CCDC178: variants seen among roughly 807,000 people sequenced by gnomAD.
CCDC178 encodes the protein coiled-coil domain containing 178.
Under a neutral mutation model 117.4 loss-of-function variants are expected in CCDC178, and 126 were observed. The ratio of observed to expected loss-of-function variants is 1.07; its 90% CI spans 0.93 to 1.24. The LOEUF (loss-of-function observed/expected upper bound fraction) is 1.24. Ranked by LOEUF, CCDC178 falls within the 50% of genes most tolerant of loss-of-function variation. CCDC178 has a pLI of 0.00. For missense variants in CCDC178, 1,030 were observed against 986.9 expected, an observed-to-expected ratio of 1.04 and a Z score of -0.59; for synonymous variants, 283 against 313.4, an observed-to-expected ratio of 0.90 and a Z score of 1.02.
chr18:33,200,370 A>G (rs1031338730), intron 20 of CCDC178, among the ~76,000 whole-genome samples: 1 of 152,212 alleles, frequency 6.6e-6, no homozygotes, highest in Non-Finnish European at 1.5e-5. Context: ...CACTAATGCG[A>G]AACAGCAGTC....
chr18:33,105,644 C>T (rs755375875), intron 20 of CCDC178, among the ~76,000 whole-genome samples: 12 of 151,552 alleles, frequency 7.9e-5, no homozygotes, highest in Non-Finnish European at 1.3e-4. Context: ...ATTTTTACAA[C>T]ATAAAAACAC....
intron 12 of CCDC178, among the ~76,000 whole-genome samples, chr18:33,277,468 A>G (rs2059965132): frequency 6.6e-6 from 1 of 152,200 alleles, no homozygotes; most frequent in Non-Finnish European, 1.5e-5. Context: ...TTGACTTAAA[A>G]TAATGCCTAT....
At chr18:33,055,907 G>T (rs1246222659) in intron 21 of CCDC178, among the ~76,000 whole-genome samples, 1 of 151,748 alleles carries the variant, frequency 6.6e-6, no homozygotes, top group East Asian at 1.9e-4. Flanking sequence ...GGGTTCAAGT[G>T]ATTCTCGTGC....
At chr18:33,324,051 C>T (rs1283620169) in intron 10 of CCDC178, among the ~76,000 whole-genome samples, 1 of 151,796 alleles carries the variant, frequency 6.6e-6, no homozygotes, top group African/African-American at 2.4e-5. Flanking sequence ...AAAGTATGCA[C>T]CAACCTAATA....
intron 3 of CCDC178, among the ~76,000 whole-genome samples, chr18:33,403,951 T>C (rs13381685): frequency 1.3e-5 from 2 of 152,168 alleles, no homozygotes; most frequent in African/African-American, 4.8e-5. Flanking sequence ...AGTAGTTATT[T>C]TGAATTATTG....
chr18:32,967,731 T>C (rs986904470), intron 22 of CCDC178, among the ~76,000 whole-genome samples: 4 of 151,760 alleles, frequency 2.6e-5, no homozygotes, highest in African/African-American at 9.7e-5. Flanking sequence ...TACTTTTTTT[T>C]CTCTAGTATT....
intron 20 of CCDC178, among the ~76,000 whole-genome samples, chr18:33,120,632 A>G (rs1213553493): frequency 1.3e-5 from 2 of 152,176 alleles, no homozygotes; most frequent in Non-Finnish European, 2.9e-5. Context: ...TATGAAATGG[A>G]TGGTGAAAAG....
At chr18:32,970,909 C>T (rs1401118230) in intron 22 of CCDC178, among the ~76,000 whole-genome samples, 2 of 152,004 alleles carry the variant, frequency 1.3e-5, no homozygotes, top group Non-Finnish European at 2.9e-5. Flanking sequence ...TTTAATTCAT[C>T]TTGCACAGAA....
chr18:33,115,589 T>G (rs1001920383), intron 20 of CCDC178, among the ~76,000 whole-genome samples: 1 of 152,076 alleles, frequency 6.6e-6, no homozygotes, highest in East Asian at 1.9e-4. Context: ...AAGATTGTAT[T>G]TTTCTTCATA....
intron 21 of CCDC178, among the ~76,000 whole-genome samples, chr18:32,987,668 A>C (rs1248322630): frequency 6.6e-6 from 1 of 152,236 alleles, no homozygotes; most frequent in Non-Finnish European, 1.5e-5. Context: ...ATCATAAAGC[A>C]AGCCTTTTAT....
intron 21 of CCDC178, among the ~76,000 whole-genome samples, chr18:33,043,693 C>A (rs2056590618): frequency 6.6e-6 from 1 of 151,962 alleles, no homozygotes. Context: ...TCTCATTTTA[C>A]TTCCAGAAAA....
At chr18:33,376,501 G>A (rs1467166064) in intron 5 of CCDC178, among the ~76,000 whole-genome samples, 1 of 152,114 alleles carries the variant, frequency 6.6e-6, no homozygotes, top group Admixed American at 6.6e-5. Context: ...TTGTTACACA[G>A]GTATATGGTG....
intron 14 of CCDC178, among the ~76,000 whole-genome samples, chr18:33,251,282 T>C (rs1014324922): frequency 1.9e-4 from 29 of 151,766 alleles, no homozygotes; most frequent in African/African-American, 7.0e-4. Context: ...TGTGTACCAG[T>C]AAGCTGGTAA....
chr18:33,106,666 CATGGCA>C (rs1412821472), intron 20 of CCDC178, among the ~76,000 whole-genome samples: 1 of 151,662 alleles, frequency 6.6e-6, no homozygotes, highest in African/African-American at 2.4e-5. Flanking sequence ...TGCTATGCTA[CATGGCA>C]AAGGGACTTT....
chr18:33,040,926 G>T (rs1449384726), intron 21 of CCDC178, among the ~76,000 whole-genome samples: 1 of 151,754 alleles, frequency 6.6e-6, no homozygotes, highest in African/African-American at 2.4e-5. Context: ...TAGGTCTAAG[G>T]CTAAAATGAG....
chr18:33,125,889 C>T (rs1224811297), intron 20 of CCDC178, among the ~76,000 whole-genome samples: 2 of 152,088 alleles, frequency 1.3e-5, no homozygotes, highest in African/African-American at 4.8e-5. Context: ...TGGGTAGTGG[C>T]CTGAGATCTG....
chr18:33,367,696 T>C (rs2063231826), intron 6 of CCDC178, among the ~76,000 whole-genome samples: 1 of 152,010 alleles, frequency 6.6e-6, no homozygotes, highest in Non-Finnish European at 1.5e-5. Flanking sequence ...GAACTAAATA[T>C]CTAATGGAGA....
At chr18:33,043,072 C>A (rs568426690) in intron 21 of CCDC178, among the ~76,000 whole-genome samples, 1 of 151,962 alleles carries the variant, frequency 6.6e-6, no homozygotes, top group South Asian at 2.1e-4. Flanking sequence ...CATAAAAATT[C>A]ATTTGAAGAA....
intron 20 of CCDC178, among the ~76,000 whole-genome samples, chr18:33,189,896 C>A (rs2058837888): frequency 6.6e-6 from 1 of 152,032 alleles, no homozygotes; most frequent in Non-Finnish European, 1.5e-5. Flanking sequence ...GAAGTGGTAG[C>A]CCTAATCTTG....
Sources: allele counts gnomAD v4.1 joint callset (sites outside exome capture counted in the v4.1 genomes callset), GRCh38; gene constraint gnomAD v4.1.1; transcripts MANE v1.5; gene names NCBI Gene and HGNC (gene_info 2026-07-23, HGNC 2026-07-21).